Variants in IL1RAPL1 observed in about 807,000 individuals in gnomAD.
The protein encoded by IL1RAPL1 is interleukin 1 receptor accessory protein like 1, also known as interleukin-1 receptor accessory protein-like 1.
In IL1RAPL1, 3 loss-of-function variants were observed where a neutral mutation model predicts 48.4. The observed-to-expected ratio is 0.06, with a 90% CI of 0.03 to 0.16. The LOEUF (loss-of-function observed/expected upper bound fraction) is 0.16, where lower values mean the gene tolerates loss of function less well. Ranked by LOEUF, IL1RAPL1 falls within the 10% of genes least tolerant of loss-of-function variation. The pLI, the probability that IL1RAPL1 is intolerant of heterozygous loss-of-function variation, is 1.00. For synonymous variants in IL1RAPL1, 185 were observed against 187.7 expected, an observed-to-expected ratio of 0.99 and a Z score of 0.12; for missense variants, 349 against 530.6, an observed-to-expected ratio of 0.66 and a Z score of 3.36.
intron 6 of IL1RAPL1, among the ~76,000 whole-genome samples, chrX:29,802,802 T>TATGTATAC (rs1929974743): frequency 1.5e-5 from 1 of 65,777 alleles, no homozygotes; most frequent in African/African-American, 9.7e-5. Flanking sequence ...TATATATATA[T>TATGTATAC]ATATATATGT....
intron 6 of IL1RAPL1, among the ~76,000 whole-genome samples, chrX:29,722,728 T>A (rs1369261431): frequency 8.9e-6 from 1 of 111,948 alleles, no homozygotes; most frequent in Non-Finnish European, 1.9e-5. Context: ...TTCTTGACGA[T>A]CCTTGCACAT....
chrX:28,668,122 A>G (rs1250119355), intron 1 of IL1RAPL1, among the ~76,000 whole-genome samples: 1 of 111,380 alleles, frequency 9.0e-6, no homozygotes, highest in Non-Finnish European at 1.9e-5. Flanking sequence ...CATTGCAATT[A>G]CCCTTTTTTT....
rs779552341 is a variant in IL1RAPL1 at position 28,728,095 on chromosome X, TAAA to T, written c.-24-61222_-24-61220del. Among the ~76,000 whole-genome samples, 92 of 111,354 alleles carry T rather than the reference TAAA, an allele frequency of 8.3e-4. No homozygotes were observed. The South Asian group carries it at 0.01, about 12-fold the overall frequency. On this transcript the variant is annotated intron_variant, in intron 1 of 10. Transcript: ENST00000378993. ...TAATAAAATAAAATAAAATAAAAAA[TAAA>T]AATAATTTTCATTAGAGTGTATATG...
chrX:29,618,414 CCA>C (rs947715233), intron 5 of IL1RAPL1, among the ~76,000 whole-genome samples: 9 of 112,194 alleles, frequency 8.0e-5, no homozygotes, highest in African/African-American at 2.9e-4. Context: ...TGACTGCAAG[CCA>C]CACACGTTTA....
chrX:29,474,372 C>T (rs1012870582), intron 5 of IL1RAPL1, among the ~76,000 whole-genome samples: 1 of 112,103 alleles, frequency 8.9e-6, no homozygotes, highest in African/African-American at 3.2e-5. Flanking sequence ...AGCTATGCAA[C>T]CTGGAGTAAA....
At chrX:29,633,110 G>C (rs1021083353) in intron 5 of IL1RAPL1, among the ~76,000 whole-genome samples, 2 of 110,840 alleles carry the variant, frequency 1.8e-5, no homozygotes, top group African/African-American at 6.6e-5. Context: ...CTACCTAAAG[G>C]TCCATCAACA....
intron 5 of IL1RAPL1, among the ~76,000 whole-genome samples, chrX:29,473,057 G>A (rs1413271521): frequency 9.0e-6 from 1 of 111,407 alleles, no homozygotes; most frequent in Non-Finnish European, 1.9e-5. Flanking sequence ...CAGTTTTGGA[G>A]ACTAGAAGTG....
At chrX:29,123,247 C>G (rs1436557128) in intron 2 of IL1RAPL1, among the ~76,000 whole-genome samples, 1 of 109,808 alleles carries the variant, frequency 9.1e-6, no homozygotes, top group African/African-American at 3.3e-5. Flanking sequence ...CCAGGCTGGT[C>G]TCGAACTCCT....
At chrX:29,741,689 G>A (rs1928201110) in intron 6 of IL1RAPL1, among the ~76,000 whole-genome samples, 1 of 109,374 alleles carries the variant, frequency 9.1e-6, no homozygotes, top group East Asian at 2.8e-4. Flanking sequence ...GGGAGGTCGA[G>A]GTGGGCGGAT....
intron 1 of IL1RAPL1, among the ~76,000 whole-genome samples, chrX:28,668,668 C>T: frequency 8.9e-6 from 1 of 112,642 alleles, no homozygotes; most frequent in Non-Finnish European, 1.9e-5. Context: ...AATTTCTAGT[C>T]CTGGATTCCA....
intron 2 of IL1RAPL1, among the ~76,000 whole-genome samples, chrX:29,030,129 C>G (rs2147408644): frequency 9.0e-6 from 1 of 110,517 alleles, no homozygotes; most frequent in African/African-American, 3.3e-5. Context: ...TTCACTAGTG[C>G]CACACTGTCT....
chrX:29,211,411 C>G (rs913684903), intron 2 of IL1RAPL1, among the ~76,000 whole-genome samples: 4 of 111,562 alleles, frequency 3.6e-5, no homozygotes, highest in Non-Finnish European at 7.5e-5. Context: ...AAGTAGGTGA[C>G]CATAAAATGT....
intron 6 of IL1RAPL1, among the ~76,000 whole-genome samples, chrX:29,825,137 A>G (rs924702347): frequency 9.0e-6 from 1 of 110,799 alleles, no homozygotes; most frequent in East Asian, 2.8e-4. Flanking sequence ...TTTCCAAGTT[A>G]AGCAATCTTA....
At chrX:29,316,295 C>G (rs887502915) in intron 3 of IL1RAPL1, among the ~76,000 whole-genome samples, 7 of 112,095 alleles carry the variant, frequency 6.2e-5, no homozygotes, top group Non-Finnish European at 1.1e-4. Context: ...TGAACTATCA[C>G]TGATGAACAT....
chrX:29,426,559 TTGGGAACAA>T (rs1934352461), intron 5 of IL1RAPL1, among the ~76,000 whole-genome samples: 2 of 111,630 alleles, frequency 1.8e-5, no homozygotes, highest in East Asian at 5.6e-4. Flanking sequence ...ACGTGTAATG[TTGGGAACAA>T]TATTTAACTA....
intron 2 of IL1RAPL1, among the ~76,000 whole-genome samples, chrX:28,937,285 G>A (rs757552673): frequency 9.0e-6 from 1 of 111,050 alleles, no homozygotes; most frequent in Non-Finnish European, 1.9e-5. Flanking sequence ...CAAAGTATTA[G>A]ATATATAATA....
intron 1 of IL1RAPL1, among the ~76,000 whole-genome samples, chrX:28,625,731 A>C (rs1251693027): frequency 1.0e-5 from 1 of 95,797 alleles, no homozygotes; most frequent in Non-Finnish European, 2.1e-5. Context: ...GGAGCTAATC[A>C]AAATGCGTGT....
chrX:29,585,908 T>G (rs1385211252), intron 5 of IL1RAPL1, among the ~76,000 whole-genome samples: 1 of 112,219 alleles, frequency 8.9e-6, no homozygotes. Context: ...GCTATTGAGT[T>G]GTAGGAGTTC....
At chrX:28,916,911 C>CT (rs1182693977) in intron 2 of IL1RAPL1, among the ~76,000 whole-genome samples, 1 of 111,997 alleles carries the variant, frequency 8.9e-6, no homozygotes, top group Non-Finnish European at 1.9e-5. Context: ...TCTGGAATGA[C>CT]TTTTTTCTAA....
Sources: gnomAD v4.1 joint callset for allele counts (sites outside exome capture counted in the v4.1 genomes callset) on GRCh38, gnomAD v4.1.1 for gene constraint, MANE v1.5 for transcripts, NCBI Gene and HGNC (gene_info 2026-07-23, HGNC 2026-07-21) for gene names.